Variants in PCSK2 observed in about 807,000 individuals in gnomAD.
PCSK2 encodes neuroendocrine convertase 2.
In PCSK2, 14 loss-of-function variants were observed where a neutral mutation model predicts 69.7. That is an observed-to-expected ratio of 0.20 (90% CI 0.13 to 0.31). The LOEUF (loss-of-function observed/expected upper bound fraction) is 0.31, where lower values mean the gene tolerates loss of function less well. Ranked by LOEUF, PCSK2 falls within the 10% of genes least tolerant of loss-of-function variation. PCSK2 has a pLI of 1.00. For synonymous variants in PCSK2, 307 were observed against 320.7 expected (o/e 0.96, Z 0.46); for missense variants, 544 against 842.5 (o/e 0.65, Z 4.39).
At chr20:17,407,969 A>C (rs1194357509) in intron 5 of PCSK2, among the ~76,000 whole-genome samples, 1 of 152,188 alleles carries the variant, frequency 6.6e-6, no homozygotes, top group Non-Finnish European at 1.5e-5. Flanking sequence ...TTGTCACCTA[A>C]ACAATAAAAC....
At chr20:17,459,363 GTGA>G (rs1342449101) in intron 10 of PCSK2, among the ~76,000 whole-genome samples, 1 of 152,192 alleles carries the variant, frequency 6.6e-6, no homozygotes, top group African/African-American at 2.4e-5. Flanking sequence ...GCTACTATGA[GTGA>G]TATTGTTAGG....
At chr20:17,228,937 G>A (rs955065580) in intron 1 of PCSK2, among the ~76,000 whole-genome samples, 2 of 152,194 alleles carry the variant, frequency 1.3e-5, no homozygotes, top group Non-Finnish European at 2.9e-5. Context: ...AGGCGCCGGC[G>A]GAGGGAGCAC....
chr20:17,412,863 T>C (rs2031908767), intron 6 of PCSK2, among the ~76,000 whole-genome samples: 2 of 151,908 alleles, frequency 1.3e-5, no homozygotes, highest in Non-Finnish European at 2.9e-5. Context: ...CAGAGGAGAG[T>C]GGGGACCAAT....
chr20:17,367,420 A>G (rs2123226874), intron 4 of PCSK2, among the ~76,000 whole-genome samples: 1 of 152,378 alleles, frequency 6.6e-6, no homozygotes, highest in East Asian at 1.9e-4. Flanking sequence ...CCCATTTCAA[A>G]TACATGGAAA....
intron 2 of PCSK2, among the ~76,000 whole-genome samples, chr20:17,355,674 C>CACACACACAG (rs1307678521): frequency 1.2e-4 from 18 of 151,354 alleles, no homozygotes; most frequent in South Asian, 4.2e-4. Context: ...CACACACACA[C>CACACACACAG]AGAGAGAGAG....
chr20:17,271,779 TA>T (rs1000607752), intron 2 of PCSK2, among the ~76,000 whole-genome samples: 2 of 152,010 alleles, frequency 1.3e-5, no homozygotes, highest in Non-Finnish European at 2.9e-5. Context: ...TTTATCTTTT[TA>T]AAAAAATTAG....
intron 1 of PCSK2, among the ~76,000 whole-genome samples, chr20:17,246,248 A>G (rs770053580): frequency 5.6e-4 from 85 of 152,218 alleles, no homozygotes; most frequent in Admixed American, 2.2e-3. Flanking sequence ...TTTTCATTTA[A>G]GATTCTTCTG....
At chr20:17,288,237 G>A (rs1172574027) in intron 2 of PCSK2, among the ~76,000 whole-genome samples, 1 of 152,166 alleles carries the variant, frequency 6.6e-6, no homozygotes, top group African/African-American at 2.4e-5. Context: ...TACCTCAGCA[G>A]GTGTCTGCTA....
At chr20:17,481,388 CAAAAAAAAAAAAAAA>C (rs3076146) in intron 11 of PCSK2, among the ~76,000 whole-genome samples, 181 bp from the exon 12 acceptor site, 41 of 65,724 alleles carry the variant, frequency 6.2e-4, no homozygotes, top group African/African-American at 2.3e-3. Flanking sequence ...TCTCAAAAGA[CAAAAAAAAAAAAAAA>C]AAAAAAAAAA....
chr20:17,451,715 G>A (rs550472335), intron 8 of PCSK2, among the ~76,000 whole-genome samples: 1 of 152,100 alleles, frequency 6.6e-6, no homozygotes, highest in South Asian at 2.1e-4. Context: ...TAAATACAGG[G>A]AATCATGAAT....
At chr20:17,426,758 G>T (rs576345863) in intron 6 of PCSK2, among the ~76,000 whole-genome samples, 10 of 152,316 alleles carry the variant, frequency 6.6e-5, no homozygotes, top group Middle Eastern at 6.8e-3. Flanking sequence ...CTCAGAGAAG[G>T]CCAGATCTTT....
chr20:17,261,241 C>T (rs1407185598), intron 2 of PCSK2, among the ~76,000 whole-genome samples: 3 of 152,206 alleles, frequency 2.0e-5, no homozygotes, highest in African/African-American at 4.8e-5. Flanking sequence ...GCAGCGTAAC[C>T]TCTTTCTCAG....
chr20:17,303,153 A>G (rs1989142140), intron 2 of PCSK2, among the ~76,000 whole-genome samples: 1 of 147,160 alleles, frequency 6.8e-6, no homozygotes, highest in Non-Finnish European at 1.5e-5. Context: ...GGATGGGTAT[A>G]GCTCAGTGAT....
chr20:17,457,485 T>C (rs1048725245), intron 10 of PCSK2, among the ~76,000 whole-genome samples: 2 of 152,212 alleles, frequency 1.3e-5, no homozygotes, highest in Non-Finnish European at 2.9e-5. Flanking sequence ...CCTTTACAGA[T>C]AAGACCCCAA....
At chr20:17,323,968 T>C (rs1989958724) in intron 2 of PCSK2, among the ~76,000 whole-genome samples, 1 of 152,222 alleles carries the variant, frequency 6.6e-6, no homozygotes, top group South Asian at 2.1e-4. Flanking sequence ...GAGTAGTGAA[T>C]GCTCCCCACC....
intron 2 of PCSK2, among the ~76,000 whole-genome samples, chr20:17,297,277 T>C (rs988188245): frequency 6.6e-6 from 1 of 152,200 alleles, no homozygotes; most frequent in Non-Finnish European, 1.5e-5. Flanking sequence ...TTGGGTCTTG[T>C]AAACCATGGC....
chr20:17,415,553 C>T (rs2031980282), intron 6 of PCSK2, among the ~76,000 whole-genome samples: 1 of 152,182 alleles, frequency 6.6e-6, no homozygotes, highest in Admixed American at 6.5e-5. Context: ...AATGGAAGAA[C>T]ATTCCATGCT....
At chr20:17,381,741 A>G (rs560802198) in intron 5 of PCSK2, among the ~76,000 whole-genome samples, 3 of 152,284 alleles carry the variant, frequency 2.0e-5, no homozygotes, top group South Asian at 2.1e-4. Flanking sequence ...CTATTCTGGT[A>G]TGGGTATTGG....
At chr20:17,271,767 CTTTT>C (rs1987876809) in intron 2 of PCSK2, among the ~76,000 whole-genome samples, 1 of 152,050 alleles carries the variant, frequency 6.6e-6, no homozygotes, top group Non-Finnish European at 1.5e-5. Flanking sequence ...TGTAAAGATT[CTTTT>C]ATCTTTTTAA....
Sources: allele counts gnomAD v4.1 joint callset (sites outside exome capture counted in the v4.1 genomes callset), GRCh38; gene constraint gnomAD v4.1.1; transcripts MANE v1.5; gene names NCBI Gene and HGNC (gene_info 2026-07-23, HGNC 2026-07-21).